WDR59: variants seen among roughly 807,000 people sequenced by gnomAD.
WDR59 encodes WD repeat domain 59.
In WDR59, 100 loss-of-function variants were observed where a neutral mutation model predicts 131.2. The ratio of observed to expected loss-of-function variants is 0.76; its 90% confidence interval spans 0.65 to 0.90. The LOEUF (loss-of-function observed/expected upper bound fraction) is 0.90. Among genes scored for constraint, WDR59 ranks in the 40% least tolerant of loss-of-function variants. The pLI is 0.00. For synonymous variants in WDR59, 601 were observed against 466.2 expected, an observed-to-expected ratio of 1.29 and a Z score of -3.72; for missense variants, 1,203 against 1,262.2, an observed-to-expected ratio of 0.95 and a Z score of 0.71.
intron 9 of WDR59, among the ~76,000 whole-genome samples, chr16:74,923,559 G>T (rs1218380518): frequency 6.6e-6 from 1 of 151,978 alleles, no homozygotes; most frequent in African/African-American, 2.4e-5. Flanking sequence ...CTTACTGCAA[G>T]CTCTGCCTCC....
chr16:74,946,096 G>T (rs1032378237), intron 6 of WDR59, among the ~76,000 whole-genome samples: 1 of 152,088 alleles, frequency 6.6e-6, no homozygotes, highest in Admixed American at 6.6e-5. Flanking sequence ...TTACAGGCGT[G>T]AGCCACCACA....
intron 3 of WDR59, among the ~76,000 whole-genome samples, chr16:74,955,933 C>G (rs2033268829): frequency 6.6e-6 from 1 of 151,806 alleles, no homozygotes; most frequent in Non-Finnish European, 1.5e-5. Flanking sequence ...GAAAACCTAA[C>G]AAAACTTATA....
intron 1 of WDR59, among the ~76,000 whole-genome samples, chr16:74,977,636 T>C (rs2034240325): frequency 1.3e-5 from 2 of 152,084 alleles, no homozygotes. Context: ...TGCAGTGAGC[T>C]GAGATCGTGC....
chr16:74,888,831 A>G (rs1464051428), intron 21 of WDR59, among the ~76,000 whole-genome samples: 1 of 152,248 alleles, frequency 6.6e-6, no homozygotes, highest in Non-Finnish European at 1.5e-5. Flanking sequence ...GCTATTAGGT[A>G]AGAACAACAA....
rs1964869268 is a variant in WDR59, at chr16:74,888,279, C to T, written c.2236G>A (p.Ala746Thr). 8 of 1,613,976 alleles carry T rather than the reference C, an allele frequency of 5.0e-6. No homozygotes were observed. The highest frequency in any genetic ancestry group is 6.8e-6 in the Non-Finnish European group (8 of 1,179,944). ...GCTTCAAACACGCTACAGAGCATCG[C>T]CAGTGTCTGAACATCCCGGAGCCGG... ...YCRLRDVQTL[A>T]MLCSVFEAQS... The change falls in exon 22 of 26, where the codon GCG becomes ACG. Residue 746 changes from alanine (A) to threonine (T), a missense_variant. Transcript: ENST00000262144.
intron 1 of WDR59, among the ~76,000 whole-genome samples, chr16:74,976,954 T>C (rs1202842608): frequency 6.6e-6 from 1 of 151,956 alleles, no homozygotes; most frequent in African/African-American, 2.4e-5. Flanking sequence ...TTGCACTGAT[T>C]CAAAATCACG....
chr16:74,919,220 C>T (rs2029908395), intron 10 of WDR59, among the ~76,000 whole-genome samples: 1 of 152,154 alleles, frequency 6.6e-6, no homozygotes, highest in South Asian at 2.1e-4. Flanking sequence ...GATTCTACGC[C>T]TTGCCTTTGA....
At position 74,917,712 on chromosome 16, in the gene WDR59, C is replaced by T. The variant is rs142291551; in HGVS notation, c.966+217G>A. Reference sequence around the variant, plus strand: ...TAATCCCAGCTACTCAGGAGGCTGACGCAGGAGAATCGCTTGAACCCGGGA... The same window carrying T: ...TAATCCCAGCTACTCAGGAGGCTGATGCAGGAGAATCGCTTGAACCCGGGA... On this transcript the variant is annotated intron_variant, in intron 11 of 25. Transcript: ENST00000262144. 3.5e-3 allele frequency among the ~76,000 whole-genome samples: 521 copies of T among 149,334 alleles called. 2 individuals are homozygous for T. Among genetic ancestry groups the T allele is most frequent in the African/African-American group, 0.012 (498 of 40,474 alleles).
In WDR59 at chr16:74,925,105, C is replaced by G. The variant is rs572348536; in HGVS notation, c.652-1102G>C. ...ATGGTCCAAATGTCCTTAAATGAGT[C>G]AACAGAAAATTAATGGTGGCATATA... On this transcript the variant is annotated intron_variant, in intron 8 of 25. Transcript: ENST00000262144. Among the ~76,000 whole-genome samples the G allele has an allele frequency of 2.0e-5, 3 of 152,120 alleles. No individual in the cohort carries two copies. The East Asian group carries it at 5.8e-4, about 29-fold the overall frequency.
intron 6 of WDR59, 98 bp downstream of exon 6, chr16:74,948,421 G>C: frequency 1.8e-6 from 2 of 1,123,090 alleles, no homozygotes; most frequent in Non-Finnish European, 1.3e-6. Context: ...GTTAGAGAGG[G>C]AGATGGAAAG....
At chr16:74,890,608 C>T (rs866661935) in intron 20 of WDR59, among the ~76,000 whole-genome samples, 1 of 152,094 alleles carries the variant, frequency 6.6e-6, no homozygotes, top group African/African-American at 2.4e-5. Context: ...CTCTCTGAAG[C>T]TAAAAAGTAA....
intron 18 of WDR59, among the ~76,000 whole-genome samples, chr16:74,900,044 G>A (rs79244878): frequency 0.024 from 3,681 of 152,184 alleles, 156 homozygotes; most frequent in African/African-American, 0.081. Context: ...ACACAGTTCT[G>A]ACAAAGGAAC....
At chr16:74,975,517 A>T (rs2034145529) in intron 1 of WDR59, among the ~76,000 whole-genome samples, 1 of 151,906 alleles carries the variant, frequency 6.6e-6, no homozygotes, top group Non-Finnish European at 1.5e-5. Context: ...ACAAAAAATT[A>T]GCCGGACATG....
chr16:74,943,274 T>C (rs979872198), intron 6 of WDR59, among the ~76,000 whole-genome samples: 1 of 151,202 alleles, frequency 6.6e-6, no homozygotes, highest in Admixed American at 6.6e-5. Flanking sequence ...GCAATAGTCT[T>C]AGAAAAACAC....
chr16:74,906,879 C>T (rs888951550), intron 17 of WDR59, among the ~76,000 whole-genome samples: 20 of 152,250 alleles, frequency 1.3e-4, no homozygotes, highest in African/African-American at 4.8e-4. Context: ...TGGGTGAGGA[C>T]AGTGTTCTAT....
chr16:74,917,777 C>A (rs1966462018), intron 11 of WDR59, 152 bp downstream of exon 11: 5 of 633,156 alleles, frequency 7.9e-6, no homozygotes, highest in Non-Finnish European at 1.3e-5. Flanking sequence ...CCACTGCACT[C>A]CAGCCTGGGC....
chr16:74,926,497 T>C (rs1049107230), intron 8 of WDR59, among the ~76,000 whole-genome samples: 2 of 152,236 alleles, frequency 1.3e-5, no homozygotes, highest in Non-Finnish European at 2.9e-5. Flanking sequence ...CTTTCCTCCT[T>C]CTTACAAAAG....
chr16:74,984,886 G>A (rs1045276764), intron 1 of WDR59, 78 bp downstream of exon 1: 1 of 1,558,816 alleles, frequency 6.4e-7, no homozygotes, highest in Non-Finnish European at 8.7e-7. Flanking sequence ...GTAGCCCCCC[G>A]GGACGGAAGC....
intron 25 of WDR59, among the ~76,000 whole-genome samples, chr16:74,880,901 A>G (rs1309947273): frequency 1.3e-5 from 2 of 152,252 alleles, no homozygotes; most frequent in Non-Finnish European, 2.9e-5. Flanking sequence ...AACATCACCT[A>G]TTACACAAAA....
Sources: gnomAD v4.1 joint callset for allele counts (sites outside exome capture counted in the v4.1 genomes callset) on GRCh38, gnomAD v4.1.1 for gene constraint, MANE v1.5 for transcripts, NCBI Gene and HGNC (gene_info 2026-07-23, HGNC 2026-07-21) for gene names.